PGM2L1: variants seen among roughly 807,000 people sequenced by gnomAD.
PGM2L1 encodes the protein glucose 1,6-bisphosphate synthase.
In PGM2L1, 35 loss-of-function variants were observed where a neutral mutation model predicts 73.4. That is an observed-to-expected ratio of 0.48 (90% CI 0.36 to 0.63). The LOEUF (loss-of-function observed/expected upper bound fraction) is 0.63, where lower values mean the gene tolerates loss of function less well. Among genes scored for constraint, PGM2L1 ranks in the 30% least tolerant of loss-of-function variants. The pLI is 0.00. For synonymous variants in PGM2L1, 225 were observed against 253.8 expected (o/e 0.89, Z 1.08); for missense variants, 570 against 742.0 (o/e 0.77, Z 2.69).
chr11:74,376,682 T>C (rs1280579933), intron 1 of PGM2L1, among the ~76,000 whole-genome samples: 1 of 152,104 alleles, frequency 6.6e-6, no homozygotes, highest in African/African-American at 2.4e-5. Context: ...GTATACTTCC[T>C]AATGTTTAAC....
At chr11:74,362,497 A>G (rs1376765583) in intron 5 of PGM2L1, among the ~76,000 whole-genome samples, 1 of 152,216 alleles carries the variant, frequency 6.6e-6, no homozygotes, top group Admixed American at 6.5e-5. Context: ...AACGAGCAAA[A>G]TAACCAGCTA....
At chr11:74,364,421 A>G (rs1204741042) in intron 5 of PGM2L1, among the ~76,000 whole-genome samples, 1 of 152,250 alleles carries the variant, frequency 6.6e-6, no homozygotes, top group Non-Finnish European at 1.5e-5. Context: ...GAAGAAGTCA[A>G]ATTGTCCCTG....
At chr11:74,390,378 C>T (rs1863083399) in intron 1 of PGM2L1, among the ~76,000 whole-genome samples, 1 of 152,164 alleles carries the variant, frequency 6.6e-6, no homozygotes, top group Non-Finnish European at 1.5e-5. Context: ...GTTTCTTCAT[C>T]TTTTCACAGC....
intron 1 of PGM2L1, among the ~76,000 whole-genome samples, chr11:74,385,671 CAA>C (rs749095555): frequency 6.6e-6 from 1 of 152,034 alleles, no homozygotes; most frequent in African/African-American, 2.4e-5. Flanking sequence ...TATACTCAGA[CAA>C]AAGATTCATG....
intron 2 of PGM2L1, among the ~76,000 whole-genome samples, 194 bp downstream of exon 2, chr11:74,374,221 C>T (rs1230070481): frequency 1.3e-5 from 2 of 152,050 alleles, no homozygotes; most frequent in African/African-American, 4.8e-5. Context: ...GTAGCTGGGA[C>T]TACAGGCACA....
At chr11:74,354,751 G>T in intron 5 of PGM2L1, 1 of 1,035,482 alleles carries the variant, frequency 9.7e-7, no homozygotes, top group Non-Finnish European at 1.5e-6. Context: ...CCACTTAACT[G>T]TGAAAAAGCT....
chr11:74,366,579 C>G (rs991740459), intron 5 of PGM2L1, among the ~76,000 whole-genome samples: 1 of 151,782 alleles, frequency 6.6e-6, no homozygotes, highest in Non-Finnish European at 1.5e-5. Flanking sequence ...CAAGGAAGCA[C>G]TATCTGAGTA....
chr11:74,386,353 A>C (rs992049493), intron 1 of PGM2L1, among the ~76,000 whole-genome samples: 11 of 152,174 alleles, frequency 7.2e-5, no homozygotes, highest in African/African-American at 2.4e-4. Context: ...GCAAAGAAAA[A>C]TATTTGATAC....
chr11:74,394,237 C>A (rs1358671554), intron 1 of PGM2L1, among the ~76,000 whole-genome samples: 1 of 152,206 alleles, frequency 6.6e-6, no homozygotes, highest in African/African-American at 2.4e-5. Flanking sequence ...CTTTTGACTT[C>A]TCCTATGGTG....
At chr11:74,377,580 A>G (rs1862876332) in intron 1 of PGM2L1, among the ~76,000 whole-genome samples, 1 of 152,214 alleles carries the variant, frequency 6.6e-6, no homozygotes, top group Non-Finnish European at 1.5e-5. Flanking sequence ...ATGCAAATAT[A>G]AGAGACTAAA....
chr11:74,351,190 G>C (rs1862346754), intron 6 of PGM2L1, among the ~76,000 whole-genome samples, 193 bp downstream of exon 6: 1 of 152,104 alleles, frequency 6.6e-6, no homozygotes, highest in Admixed American at 6.5e-5. Flanking sequence ...TTCATTGTAT[G>C]GATATACCAC....
chr11:74,342,688 A>C (rs773457415), intron 11 of PGM2L1, 38 bp from the exon 12 acceptor site: 3 of 1,462,088 alleles, frequency 2.1e-6, no homozygotes, highest in African/African-American at 2.9e-5. Context: ...TAGATTTCAG[A>C]TAACTCTTTA....
chr11:74,398,024 C>T (rs1342316465), intron 1 of PGM2L1, 27 bp downstream of exon 1: 1 of 1,578,514 alleles, frequency 6.3e-7, no homozygotes, highest in African/African-American at 1.3e-5. Flanking sequence ...GAGGCGACGG[C>T]GTTTGCCGGG....
intron 1 of PGM2L1, among the ~76,000 whole-genome samples, chr11:74,388,684 C>A (rs371061536): frequency 3.3e-5 from 5 of 152,154 alleles, no homozygotes; most frequent in African/African-American, 1.2e-4. Flanking sequence ...TCTTCATACT[C>A]TTTAAGGCAT....
At chr11:74,397,567 GGCCAGCAACT>G (rs1863195469) in intron 1 of PGM2L1, 1 of 152,498 alleles carries the variant, frequency 6.6e-6, no homozygotes, top group African/African-American at 2.4e-5. Context: ...AGTGATAAAA[GGCCAGCAACT>G]ACCTAGCGAC....
intron 12 of PGM2L1, among the ~76,000 whole-genome samples, chr11:74,339,117 G>C (rs1039341707): frequency 5.3e-5 from 8 of 152,104 alleles, no homozygotes; most frequent in African/African-American, 1.9e-4. Context: ...CTCAAAGAGA[G>C]TAAACAACCC....
chr11:74,331,013 T>A lies in PGM2L1; in HGVS notation c.*5639A>T, dbSNP rs187468305. 6.6e-6 allele frequency: 1 copy of A among 152,328 alleles called. No individual in the cohort carries two copies. The highest frequency in any genetic ancestry group is 1.9e-4 in the East Asian group (1 of 5,186). The allele number at this position is 152,328 out of a possible 1,614,324, so 9.4% of individuals were successfully genotyped here. Reference sequence around the variant, plus strand: ...TGTTCCTTAAACTATTTGCTACTTTTAAAAAATCCCTTAATTCCTAGTATC... The same window carrying A: ...TGTTCCTTAAACTATTTGCTACTTTAAAAAAATCCCTTAATTCCTAGTATC... On this transcript the variant is annotated 3_prime_UTR_variant, in exon 14 of 14. Coordinates refer to ENST00000298198, the MANE Select transcript of PGM2L1 (RefSeq NM_173582.6).
rs1862005178 is a variant in PGM2L1, at chr11:74,331,162, G to GT, written c.*5489dup. ...CCTTTTTAGTCAAGGAATGCCAATAGTAACAAAACTGTTTCAGGTCAGTTT... is the reference window on the plus strand; with the variant it reads ...CCTTTTTAGTCAAGGAATGCCAATAGTTAACAAAACTGTTTCAGGTCAGTTT... On this transcript the variant is annotated 3_prime_UTR_variant, in exon 14 of 14. Transcript: ENST00000298198. The GT allele has an allele frequency of 6.6e-6, 1 of 151,858 alleles. No individual in the cohort carries two copies. Among genetic ancestry groups the GT allele is most frequent in the African/African-American group, 2.4e-5 (1 of 41,364 alleles). 9.4% of individuals were successfully genotyped at this position (151,858 alleles called of 1,614,324 possible). A position where few individuals can be genotyped will look rare whatever the true frequency, so the allele number is the denominator to read the frequency against.
intron 3 of PGM2L1, among the ~76,000 whole-genome samples, 189 bp downstream of exon 3, chr11:74,371,522 T>C (rs1170309093): frequency 1.3e-5 from 2 of 152,206 alleles, no homozygotes; most frequent in African/African-American, 4.8e-5. Context: ...TTTTACTTCT[T>C]TCTGTAAAAT....
Sources: allele counts gnomAD v4.1 joint callset (sites outside exome capture counted in the v4.1 genomes callset), GRCh38; gene constraint gnomAD v4.1.1; transcripts MANE v1.5; gene names NCBI Gene and HGNC (gene_info 2026-07-23, HGNC 2026-07-21).